Variants in CNTN4 observed in about 807,000 individuals in gnomAD.
The protein encoded by CNTN4 is contactin-4.
CNTN4 carries 77 observed loss-of-function variants against 122.5 expected under a neutral mutation model. The observed-to-expected ratio is 0.63, with a 90% CI of 0.52 to 0.76. The LOEUF is 0.76. Ranked by LOEUF, CNTN4 falls within the 30% of genes least tolerant of loss-of-function variation. The probability of loss-of-function intolerance (pLI) is 0.00; values close to 1 mark genes in which losing one functional copy is unlikely to be tolerated. For missense variants in CNTN4, 1,256 were observed against 1,259.1 expected (o/e 1.00, Z 0.04); for synonymous variants, 512 against 447.0 (o/e 1.15, Z -1.83).
At chr3:2,190,444 A>G (rs2037476194) in intron 2 of CNTN4, among the ~76,000 whole-genome samples, 1 of 152,080 alleles carries the variant, frequency 6.6e-6, no homozygotes, top group Admixed American at 6.6e-5. Flanking sequence ...ATGCTTCACA[A>G]AGTTGAGCTG....
At chr3:2,920,362 T>C (rs1417160646) in intron 12 of CNTN4, among the ~76,000 whole-genome samples, 2 of 77,506 alleles carry the variant, frequency 2.6e-5, no homozygotes, top group Admixed American at 1.3e-4. Flanking sequence ...CTTGTGACAA[T>C]AGAATAGTTC....
At chr3:2,540,134 T>TA (rs2077975748) in intron 3 of CNTN4, among the ~76,000 whole-genome samples, 1 of 151,858 alleles carries the variant, frequency 6.6e-6, no homozygotes, top group Non-Finnish European at 1.5e-5. Context: ...ATAGGTGATA[T>TA]AAAAAATTGG....
intron 3 of CNTN4, among the ~76,000 whole-genome samples, chr3:2,347,503 G>C (rs1418478874): frequency 7.3e-6 from 1 of 136,100 alleles, no homozygotes; most frequent in Non-Finnish European, 1.5e-5. Flanking sequence ...TCCACCTCCC[G>C]AGTTCAAGTG....
chr3:2,523,081 A>G (rs1194503265), intron 3 of CNTN4, among the ~76,000 whole-genome samples: 2 of 152,100 alleles, frequency 1.3e-5, no homozygotes, highest in Non-Finnish European at 2.9e-5. Context: ...AAGATTGTGA[A>G]TGTCATGGCT....
intron 4 of CNTN4, among the ~76,000 whole-genome samples, chr3:2,627,074 T>C (rs577715234): frequency 6.6e-6 from 1 of 152,316 alleles, no homozygotes; most frequent in East Asian, 1.9e-4. Context: ...GTTGTTGAGG[T>C]AGGATATCCA....
intron 13 of CNTN4, among the ~76,000 whole-genome samples, chr3:2,945,964 T>C (rs1468055548): frequency 6.6e-6 from 1 of 152,258 alleles, no homozygotes; most frequent in African/African-American, 2.4e-5. Flanking sequence ...AACTTATAGA[T>C]GCATGTCATA....
intron 2 of CNTN4, among the ~76,000 whole-genome samples, chr3:2,205,332 G>C (rs1342913181): frequency 6.7e-6 from 1 of 148,620 alleles, no homozygotes; most frequent in Non-Finnish European, 1.5e-5. Context: ...AATTTATTTT[G>C]TAATATAATT....
chr3:2,900,354 A>AG (rs749109744), intron 10 of CNTN4, among the ~76,000 whole-genome samples: 93 of 152,048 alleles, frequency 6.1e-4, no homozygotes, highest in Non-Finnish European at 9.7e-4. Flanking sequence ...TAAAAGTGGG[A>AG]GGGGGGGTGA....
chr3:2,846,402 C>G (rs1457544453), intron 7 of CNTN4, among the ~76,000 whole-genome samples: 1 of 152,104 alleles, frequency 6.6e-6, no homozygotes, highest in Non-Finnish European at 1.5e-5. Context: ...TGTTTACTTC[C>G]CCTACCACCA....
chr3:2,430,694 A>G (rs1236087915), intron 3 of CNTN4, among the ~76,000 whole-genome samples: 4 of 150,996 alleles, frequency 2.6e-5, no homozygotes, highest in African/African-American at 9.7e-5. Context: ...GCAATGATTT[A>G]CTTATAACTG....
chr3:2,565,610 G>A (rs954381393), intron 3 of CNTN4, among the ~76,000 whole-genome samples: 1 of 152,070 alleles, frequency 6.6e-6, no homozygotes, highest in Admixed American at 6.5e-5. Context: ...TGTCCTTGTG[G>A]GCGGAGACCT....
At chr3:2,187,712 C>T (rs1450403687) in intron 2 of CNTN4, among the ~76,000 whole-genome samples, 1 of 152,072 alleles carries the variant, frequency 6.6e-6, no homozygotes, top group Non-Finnish European at 1.5e-5. Context: ...TATGCAGGGC[C>T]CTTGCAAATA....
intron 14 of CNTN4, among the ~76,000 whole-genome samples, chr3:2,998,786 G>T (rs1695771479): frequency 6.6e-6 from 1 of 152,146 alleles, no homozygotes; most frequent in Non-Finnish European, 1.5e-5. Flanking sequence ...CATATTTCAG[G>T]AACTGTGGAA....
chr3:2,807,035 T>A (rs897575393), intron 6 of CNTN4, among the ~76,000 whole-genome samples: 1 of 152,226 alleles, frequency 6.6e-6, no homozygotes, highest in African/African-American at 2.4e-5. Context: ...TTAAGCTCTT[T>A]GAGAAGAGAG....
chr3:2,112,315 A>G (rs993715692), intron 2 of CNTN4, among the ~76,000 whole-genome samples: 2 of 152,192 alleles, frequency 1.3e-5, no homozygotes, highest in African/African-American at 4.8e-5. Context: ...AAATTTTATA[A>G]AAGATTTACA....
chr3:2,119,936 T>A (rs2033609828), intron 2 of CNTN4, among the ~76,000 whole-genome samples: 1 of 152,110 alleles, frequency 6.6e-6, no homozygotes, highest in African/African-American at 2.4e-5. Flanking sequence ...GTGCATAATG[T>A]GGGCAGGATC....
chr3:2,552,906 G>A (rs1211873651), intron 3 of CNTN4, among the ~76,000 whole-genome samples: 1 of 152,148 alleles, frequency 6.6e-6, no homozygotes, highest in Non-Finnish European at 1.5e-5. Flanking sequence ...ATGGCGAAGT[G>A]TGTTGAGTAG....
chr3:2,350,285 A>G (rs2044559585), intron 3 of CNTN4, among the ~76,000 whole-genome samples: 1 of 152,208 alleles, frequency 6.6e-6, no homozygotes, highest in Non-Finnish European at 1.5e-5. Flanking sequence ...TATCCCCAGC[A>G]GTGTTCTTTA....
chr3:2,682,903 C>T (rs183195585), intron 4 of CNTN4, among the ~76,000 whole-genome samples: 8 of 150,860 alleles, frequency 5.3e-5, no homozygotes, highest in Non-Finnish European at 8.8e-5. Context: ...TTATCCTTCA[C>T]GGAGTAGATT....
Sources: gnomAD v4.1 joint callset for allele counts (sites outside exome capture counted in the v4.1 genomes callset) on GRCh38, gnomAD v4.1.1 for gene constraint, MANE v1.5 for transcripts, NCBI Gene and HGNC (gene_info 2026-07-23, HGNC 2026-07-21) for gene names.